Variants in EPHB1 observed in about 807,000 individuals in gnomAD.
EPHB1 encodes EPH receptor B1, also known as ephrin type-B receptor 1.
In EPHB1, 30 loss-of-function variants were observed where a neutral mutation model predicts 94.4. The observed-to-expected ratio is 0.32, with a 90% CI of 0.24 to 0.43. EPHB1 has a LOEUF of 0.43. EPHB1 is among the 20% of genes least tolerant of loss of function. The pLI, the probability that EPHB1 is intolerant of heterozygous loss-of-function variation, is 1.00. For missense variants in EPHB1, 1,055 were observed against 1,308.3 expected (o/e 0.81, Z 2.99); for synonymous variants, 522 against 489.1 (o/e 1.07, Z -0.89).
chr3:135,165,898 A>G, intron 7 of EPHB1, 70 bp from the exon 8 acceptor site: 1 of 1,077,374 alleles, frequency 9.3e-7, no homozygotes, highest in Middle Eastern at 2.0e-4. Flanking sequence ...TGTTTTTGGT[A>G]TTGTGCACTG....
chr3:135,246,695 T>A (rs75575135), intron 13 of EPHB1, among the ~76,000 whole-genome samples: 1 of 142,994 alleles, frequency 7.0e-6, no homozygotes, highest in Non-Finnish European at 1.5e-5. Flanking sequence ...GGGAATTTGA[T>A]TGACAACAGT....
chr3:134,870,154 C>T (rs1216058413), intron 1 of EPHB1, among the ~76,000 whole-genome samples: 1 of 152,104 alleles, frequency 6.6e-6, no homozygotes, highest in Non-Finnish European at 1.5e-5. Flanking sequence ...TGAGCTGGGT[C>T]TATATGGGAG....
intron 12 of EPHB1, among the ~76,000 whole-genome samples, chr3:135,221,173 G>T (rs1435464163): frequency 1.3e-5 from 2 of 152,310 alleles, no homozygotes; most frequent in Middle Eastern, 6.8e-3. Context: ...CAAAAGTTTG[G>T]CCAAGAAGGG....
chr3:135,232,757 A>ACTC (rs1165124097), intron 12 of EPHB1, among the ~76,000 whole-genome samples: 1 of 152,120 alleles, frequency 6.6e-6, no homozygotes, highest in East Asian at 1.9e-4. Flanking sequence ...GGTTTAATTG[A>ACTC]CTCACAGTTC....
At chr3:135,188,214 A>G (rs1324791897) in intron 10 of EPHB1, among the ~76,000 whole-genome samples, 2 of 150,214 alleles carry the variant, frequency 1.3e-5, no homozygotes, top group Non-Finnish European at 1.5e-5. Context: ...AAATAAATAA[A>G]GGCCAGGAGT....
chr3:135,182,064 T>G (rs550359950), intron 10 of EPHB1, among the ~76,000 whole-genome samples: 1 of 152,230 alleles, frequency 6.6e-6, no homozygotes, highest in African/African-American at 2.4e-5. Flanking sequence ...TAACTTACTA[T>G]GCATAACTTC....
intron 3 of EPHB1, among the ~76,000 whole-genome samples, chr3:135,035,081 C>T (rs1936604737): frequency 6.6e-6 from 1 of 152,236 alleles, no homozygotes; most frequent in African/African-American, 2.4e-5. Context: ...CTCAGGCCAG[C>T]TTCCTCCGTT....
At chr3:134,859,440 G>A (rs1418572151) in intron 1 of EPHB1, among the ~76,000 whole-genome samples, 1 of 152,198 alleles carries the variant, frequency 6.6e-6, no homozygotes, top group East Asian at 1.9e-4. Flanking sequence ...TGGCCAAGGT[G>A]TGTAGCAGAT....
At chr3:135,152,577 G>A (rs1421749859) in intron 5 of EPHB1, among the ~76,000 whole-genome samples, 2 of 152,174 alleles carry the variant, frequency 1.3e-5, no homozygotes, top group South Asian at 2.1e-4. Context: ...TCTGATCTCT[G>A]TAAAGGAGAG....
chr3:134,871,136 T>C (rs1000663300), intron 1 of EPHB1, among the ~76,000 whole-genome samples: 30 of 152,224 alleles, frequency 2.0e-4, no homozygotes, highest in African/African-American at 7.0e-4. Context: ...GAATACTTTG[T>C]CACTAAAACA....
intron 3 of EPHB1, among the ~76,000 whole-genome samples, chr3:135,037,918 T>A (rs7644618): frequency 0.28 from 42,991 of 152,118 alleles, 6,785 homozygotes; most frequent in East Asian, 0.72. Context: ...CTGCAGTTAG[T>A]GTTAGAATTG....
At chr3:135,249,732 T>A (rs4243398) in intron 15 of EPHB1, among the ~76,000 whole-genome samples, 60,134 of 152,132 alleles carry the variant, frequency 0.4, 12,728 homozygotes, top group Admixed American at 0.47. Context: ...ATATGTCATT[T>A]GCCTAATCAC....
intron 5 of EPHB1, among the ~76,000 whole-genome samples, chr3:135,150,665 T>G (rs1941164759): frequency 6.6e-6 from 1 of 152,230 alleles, no homozygotes; most frequent in Non-Finnish European, 1.5e-5. Context: ...TGGTGGCTTT[T>G]CCTTCTCAGG....
At chr3:135,254,638 G>T (rs79268528) in intron 15 of EPHB1, among the ~76,000 whole-genome samples, 33,933 of 152,074 alleles carry the variant, frequency 0.22, 3,931 homozygotes, top group East Asian at 0.31. Context: ...GAAGATTTTA[G>T]CATCAATGTT....
intron 3 of EPHB1, among the ~76,000 whole-genome samples, chr3:135,029,448 G>T (rs1441832333): frequency 2.0e-5 from 3 of 147,824 alleles, no homozygotes; most frequent in African/African-American, 4.9e-5. Context: ...GCATTTGCTT[G>T]TCTATAAAGT....
chr3:135,179,862 T>C lies in EPHB1; in HGVS notation c.1762T>C (p.Ser588Pro), dbSNP rs1277909113. The C allele has an allele frequency of 1.1e-5, 18 of 1,613,444 alleles. No homozygotes were observed. Among genetic ancestry groups the C allele is most frequent in the Non-Finnish European group, 1.4e-5 (16 of 1,179,690 alleles). The change falls in exon 10 of 16, where the codon TCC (serine) becomes CCC (proline). Residue 588 changes from serine (S) to proline (P), a missense_variant and splice_region_variant. By Grantham distance (74) the Ser-to-Pro change is moderately conservative. Coordinates refer to ENST00000398015, the MANE Select transcript of EPHB1 (RefSeq NM_004441.5). ...CCCTGCTTATCTCCTCCAACAAGGC[T>C]CCCCAGGGATGAAGATCTACATTGA... is the stretch of plus-strand genomic sequence containing the variant. ...KLQHYSTGRGSPGMKIYIDPF... is the reference protein window; with the variant it reads ...KLQHYSTGRGPPGMKIYIDPF...
chr3:135,224,630 A>C (rs953590007), intron 12 of EPHB1, among the ~76,000 whole-genome samples: 5 of 152,180 alleles, frequency 3.3e-5, no homozygotes, highest in African/African-American at 1.2e-4. Context: ...TCCTCATAAA[A>C]ATTCACCTCA....
At chr3:135,061,167 GTGTTTGGT>G (rs1937490296) in intron 3 of EPHB1, among the ~76,000 whole-genome samples, 1 of 152,160 alleles carries the variant, frequency 6.6e-6, no homozygotes, top group Non-Finnish European at 1.5e-5. Flanking sequence ...AGTACAGGTG[GTGTTTGGT>G]TACATGAGAA....
intron 1 of EPHB1, among the ~76,000 whole-genome samples, chr3:134,844,171 T>G (rs997961916): frequency 1.3e-5 from 2 of 152,252 alleles, no homozygotes; most frequent in Non-Finnish European, 2.9e-5. Flanking sequence ...TTTGTTTTTA[T>G]TTTTATGTCT....
Sources: gnomAD v4.1 joint callset for allele counts (sites outside exome capture counted in the v4.1 genomes callset) on GRCh38, gnomAD v4.1.1 for gene constraint, MANE v1.5 for transcripts, NCBI Gene and HGNC (gene_info 2026-07-23, HGNC 2026-07-21) for gene names.